The following JAZF1 variants were observed in gnomAD, a reference collection of about 807,000 sequenced individuals.
JAZF1 encodes the protein JAZF zinc finger 1, also known as juxtaposed with another zinc finger protein 1.
In JAZF1, 8 loss-of-function variants were observed where a neutral mutation model predicts 26.4. The ratio of observed to expected loss-of-function variants is 0.30; its 90% CI spans 0.18 to 0.55. JAZF1 has a LOEUF of 0.55. JAZF1 is among the 20% of genes least tolerant of loss of function. The pLI, the probability that JAZF1 is intolerant of heterozygous loss-of-function variation, is 0.94. For missense variants in JAZF1, 199 were observed against 322.0 expected, an observed-to-expected ratio of 0.62 and a Z score of 2.92; for synonymous variants, 126 against 122.3, an observed-to-expected ratio of 1.03 and a Z score of -0.20.
Position 27,840,936 on chromosome 7 carries a change from C to A in JAZF1, c.386-69G>T. 6.5e-7 allele frequency: 1 copy of A among 1,543,366 alleles called. No individual in the cohort carries two copies. The highest frequency in any genetic ancestry group is 8.9e-7 in the Non-Finnish European group (1 of 1,129,454). Reference sequence around the variant, plus strand: ...TCCCCACAGGTTCACCCGGCCACTTCCAGGACAGGAGATGTGGCCGTGGCA... The same window carrying A: ...TCCCCACAGGTTCACCCGGCCACTTACAGGACAGGAGATGTGGCCGTGGCA... On this transcript the variant is annotated intron_variant, in intron 3 of 4. Transcript: ENST00000283928. The surrounding 1 kb of genome is among the most constrained non-coding windows in gnomAD (Gnocchi z 5.1).
rs543713232 is a variant in JAZF1 at position 28,090,960 on chromosome 7, G to A, written c.115+89503C>T. On this transcript the variant is annotated intron_variant, in intron 1 of 4. Transcript: ENST00000283928. ...TCCTGCCTCAGCCTCCCGAGTAGCT[G>A]GGACTACAGGCGCCCGCCACCGCGC... 5.3e-5 allele frequency among the ~76,000 whole-genome samples: 8 copies of A among 150,820 alleles called. No individual in the cohort carries two copies. The East Asian group carries it at 1.6e-3, about 29-fold the overall frequency.
chr7:27,838,943 CA>C lies in JAZF1; in HGVS notation c.555+1754del, dbSNP rs112589430. Among the ~76,000 whole-genome samples, 599 of 152,346 alleles carry C rather than the reference CA, an allele frequency of 3.9e-3. 3 individuals carry two copies. The highest frequency in any genetic ancestry group is 9.4e-3 in the African/African-American group (391 of 41,584). ...TTCAGCCCAAGGCTCACTGAATTCT[CA>C]GTGGCCTTGGGTGGAGAGAGAACAC... On this transcript the variant is annotated intron_variant, in intron 4 of 4. Transcript: ENST00000283928.
At chr7:27,865,020 G>T (rs1783450716) in intron 3 of JAZF1, among the ~76,000 whole-genome samples, 2 of 152,114 alleles carry the variant, frequency 1.3e-5, no homozygotes, top group Admixed American at 1.3e-4. Flanking sequence ...AATTTAATGG[G>T]GCATGACGAG....
At chr7:27,945,925 G>A (rs887860259) in intron 2 of JAZF1, among the ~76,000 whole-genome samples, 2 of 152,104 alleles carry the variant, frequency 1.3e-5, no homozygotes, top group Admixed American at 1.3e-4. Context: ...ACTTTATGAT[G>A]GCGCAAAAGT....
chr7:28,128,787 T>C (rs1033628329), intron 1 of JAZF1, among the ~76,000 whole-genome samples: 1 of 152,332 alleles, frequency 6.6e-6, no homozygotes, highest in East Asian at 1.9e-4. Context: ...CAAGGATAGC[T>C]GCACTGTACC....
intron 2 of JAZF1, among the ~76,000 whole-genome samples, chr7:27,912,253 T>C (rs963964121): frequency 6.6e-6 from 1 of 152,248 alleles, no homozygotes; most frequent in Non-Finnish European, 1.5e-5. Flanking sequence ...TACACTTCTT[T>C]CAGTTGCCTG....
intron 2 of JAZF1, among the ~76,000 whole-genome samples, chr7:27,967,445 G>C (rs1457638903): frequency 6.6e-6 from 1 of 152,142 alleles, no homozygotes; most frequent in African/African-American, 2.4e-5. Flanking sequence ...AGGGACCCGA[G>C]AGACTAATAC....
intron 3 of JAZF1, among the ~76,000 whole-genome samples, chr7:27,888,284 C>T (rs190280341): frequency 6.6e-6 from 1 of 152,330 alleles, no homozygotes; most frequent in Non-Finnish European, 1.5e-5. Context: ...TTTCTCCCCT[C>T]ATTTTCCACT....
chr7:28,059,597 CTCTTA>C (rs1783767406), intron 1 of JAZF1, among the ~76,000 whole-genome samples: 1 of 152,110 alleles, frequency 6.6e-6, no homozygotes, highest in Non-Finnish European at 1.5e-5. Context: ...CTTCTTTTAA[CTCTTA>C]TCTTTTTATT....
At chr7:27,954,537 A>G (rs1785055944) in intron 2 of JAZF1, among the ~76,000 whole-genome samples, 1 of 152,176 alleles carries the variant, frequency 6.6e-6, no homozygotes. Context: ...CAGCTTTTCA[A>G]TATTATGACT....
chr7:27,962,760 G>A (rs1046753168), intron 2 of JAZF1, among the ~76,000 whole-genome samples: 3 of 152,148 alleles, frequency 2.0e-5, no homozygotes, highest in Admixed American at 6.5e-5. Context: ...TTAAAATCAC[G>A]TCTAATCAGC....
rs114129227 is a variant in JAZF1, at chr7:28,016,755, C to T, written c.116-24774G>A. The stretch of plus-strand genomic sequence containing the variant: ...CCCTCCCTAAAGAGCCTGTTGAAGT[C>T]CAAAAGGCAGCCCAGGGGATCGTTC... On this transcript the variant is annotated intron_variant, in intron 1 of 4. Transcript: ENST00000283928. 3.4e-3 allele frequency among the ~76,000 whole-genome samples: 524 copies of T among 152,286 alleles called. 1 individual carries two copies. Among genetic ancestry groups the T allele is most frequent in the African/African-American group, 0.012 (505 of 41,552 alleles).
Position 28,111,444 on chromosome 7 carries a change from A to ATTTTCCTTCCT in JAZF1, c.115+69018_115+69019insAGGAAGGAAAA, listed in dbSNP as rs535366749. ...TTGGTGAGCTTTTTATTGAGGAAGAACATGCAATAAAGGATTTTCCTTCAG... is the reference window on the plus strand; with the variant it reads ...TTGGTGAGCTTTTTATTGAGGAAGAATTTTCCTTCCTCATGCAATAAAGGATTTTCCTTCAG... On this transcript the variant is annotated intron_variant, in intron 1 of 4. Coordinates refer to ENST00000283928, the MANE Select transcript of JAZF1 (RefSeq NM_175061.4). 7.2e-4 allele frequency among the ~76,000 whole-genome samples: 110 copies of ATTTTCCTTCCT among 152,346 alleles called. 1 individual carries two copies. The highest frequency in any genetic ancestry group is 2.4e-3 in the African/African-American group (101 of 41,578).
intron 1 of JAZF1, among the ~76,000 whole-genome samples, chr7:28,147,665 C>T (rs10263857): frequency 2.0e-5 from 3 of 149,446 alleles, no homozygotes; most frequent in African/African-American, 7.4e-5. Context: ...CTGGGCAACA[C>T]GGCAAAACCC....
intron 4 of JAZF1, among the ~76,000 whole-genome samples, chr7:27,839,096 G>C (rs1782873724): frequency 1.3e-5 from 2 of 152,262 alleles, no homozygotes; most frequent in South Asian, 4.1e-4. Context: ...AAGAAAAGGG[G>C]ATGGAGCTGG....
chr7:27,888,631 A>G (rs1281369111), intron 3 of JAZF1, among the ~76,000 whole-genome samples: 1 of 152,136 alleles, frequency 6.6e-6, no homozygotes, highest in Non-Finnish European at 1.5e-5. Flanking sequence ...AACTCCTGAA[A>G]TTTTCAATAA....
intron 2 of JAZF1, among the ~76,000 whole-genome samples, chr7:27,971,876 G>T (rs1159884589): frequency 6.6e-6 from 1 of 152,176 alleles, no homozygotes; most frequent in Non-Finnish European, 1.5e-5. Context: ...GGTGTGAAAA[G>T]ATAGGAAATA....
chr7:28,076,611 C>G (rs538015371), intron 1 of JAZF1, among the ~76,000 whole-genome samples: 1 of 149,442 alleles, frequency 6.7e-6, no homozygotes, highest in African/African-American at 2.5e-5. Flanking sequence ...AACATGAGAA[C>G]GAAAGAAAAT....
chr7:27,893,120 A>T (rs190672221), intron 3 of JAZF1, among the ~76,000 whole-genome samples: 1 of 152,300 alleles, frequency 6.6e-6, no homozygotes, highest in East Asian at 1.9e-4. Context: ...TAAGTTTGGG[A>T]AATTTACTAA....
Sources: gnomAD v4.1 joint callset for allele counts (sites outside exome capture counted in the v4.1 genomes callset) on GRCh38, gnomAD v4.1.1 for gene constraint, Gnocchi (gnomAD v3.1) non-coding constraint, MANE v1.5 for transcripts, NCBI Gene and HGNC (gene_info 2026-07-23, HGNC 2026-07-21) for gene names.